The following LDB3 variants were observed in gnomAD, a reference collection of about 807,000 sequenced individuals.
LDB3 encodes the protein LIM domain-binding protein 3.
Under a neutral mutation model 69.0 loss-of-function variants are expected in LDB3, and 49 were observed. The observed-to-expected ratio is 0.71, with a 90% CI of 0.56 to 0.90. LDB3 has a LOEUF of 0.90. Among genes scored for constraint, LDB3 ranks in the 40% least tolerant of loss-of-function variants. The pLI, the probability that LDB3 is intolerant of heterozygous loss-of-function variation, is 0.00. For missense variants in LDB3, 928 were observed against 974.1 expected (o/e 0.95, Z 0.63); for synonymous variants, 387 against 396.2 (o/e 0.98, Z 0.28).
chr10:86,701,168 T>G (rs149946613), intron 7 of LDB3, among the ~76,000 whole-genome samples: 1 of 152,224 alleles, frequency 6.6e-6, no homozygotes, highest in Admixed American at 6.5e-5. Context: ...CAGGCAGCCT[T>G]CATCCCGCTG....
chr10:86,687,193 C>CAGT, intron 5 of LDB3: 1 of 1,614,250 alleles, frequency 6.2e-7, no homozygotes. Flanking sequence ...GTACAACACG[C>CAGT]CCATCAGCAT....
chr10:86,676,578 AAGAG>A (rs1554847834), intron 2 of LDB3, among the ~76,000 whole-genome samples: 1 of 142,610 alleles, frequency 7.0e-6, no homozygotes, highest in African/African-American at 2.7e-5. Context: ...AAAAAAAAAA[AAGAG>A]AAAGAAAAAA....
chr10:86,723,665 C>G lies in LDB3; in HGVS notation c.1979-2472C>G, dbSNP rs112933636. Among the ~76,000 whole-genome samples, 398 of 152,202 alleles carry G rather than the reference C, an allele frequency of 2.6e-3. 4 individuals carry two copies. Among genetic ancestry groups the G allele is most frequent in the African/African-American group, 8.9e-3 (371 of 41,522 alleles). ...TGCAGAGCACAGAGTGAACTGCAAC[C>G]TGGGCGGTAACTTTCTAAAGGAAGC... On this transcript the variant is annotated intron_variant, in intron 12 of 13. Transcript: ENST00000361373.
rs113028704 is a variant in LDB3, at chr10:86,699,056, G to A, written c.896+6485G>A. On this transcript the variant is annotated intron_variant, in intron 7 of 13. Coordinates refer to ENST00000361373, the MANE Select transcript of LDB3 (RefSeq NM_007078.3). The surrounding 1 kb of genome is among the most constrained non-coding windows in gnomAD (Gnocchi z 4.9). The stretch of plus-strand genomic sequence containing the variant: ...CTCCATCCTGGTCCCCAAGACTCTC[G>A]GTCTTCCCCTAACCCAGGCCTGACC... 1.5e-4 allele frequency among the ~76,000 whole-genome samples: 22 copies of A among 151,674 alleles called. No individual in the cohort carries two copies. The highest frequency in any genetic ancestry group is 2.7e-4 in the Non-Finnish European group (18 of 67,900).
chr10:86,703,433 G>A (rs766332797), intron 7 of LDB3, among the ~76,000 whole-genome samples: 2 of 152,238 alleles, frequency 1.3e-5, no homozygotes, highest in South Asian at 2.1e-4. Context: ...AGGCACGGCT[G>A]CAGGCCTGCA....
upstream of LDB3, among the ~76,000 whole-genome samples, chr10:86,668,195 T>C (rs1299133520): frequency 1.3e-5 from 2 of 152,144 alleles, no homozygotes; most frequent in Non-Finnish European, 2.9e-5. Flanking sequence ...GCAAAGCCCC[T>C]ACCCAAGGGA....
At chr10:86,703,376 C>T (rs1439455228) in intron 7 of LDB3, among the ~76,000 whole-genome samples, 1 of 152,216 alleles carries the variant, frequency 6.6e-6, no homozygotes, top group Non-Finnish European at 1.5e-5. Context: ...GCATGGCTTC[C>T]AGAAGCGAGG....
rs777607719 is a variant in LDB3, at chr10:86,681,627, G to T, written c.513G>T (p.Lys171Asn). Residue 171 changes from lysine to asparagine, a missense_variant, in exon 5 of 14, where the codon AAG (lysine) becomes AAT (asparagine). Coordinates refer to ENST00000361373, the MANE Select transcript of LDB3 (RefSeq NM_007078.3). ...CTCCGCGGGCCAGCCTGAGGGCCAA[G>T]ACCAGCCCAGAGGGGGCCCGGGACC... ...PGPPRASLRAKTSPEGARDLL... is the reference protein window; with the variant it reads ...PGPPRASLRANTSPEGARDLL... 2 of 1,613,154 alleles carry T rather than the reference G, an allele frequency of 1.2e-6. No homozygotes were observed. Among genetic ancestry groups the T allele is most frequent in the Admixed American group, 3.3e-5 (2 of 60,012 alleles).
Position 86,691,016 on chromosome 10 carries a change from G to A in LDB3, c.690-880G>A, listed in dbSNP as rs574459291. Among the ~76,000 whole-genome samples the A allele has an allele frequency of 3.9e-5, 6 of 152,304 alleles. No individual in the cohort carries two copies. In the East Asian group the frequency reaches 5.8e-4, roughly 15 times the overall value. ...AGGCCTCTGAGAAGGTGGGCTGGGC[G>A]GCTTGGTCCTCTGGTCCCCCGGCCA... On this transcript the variant is annotated intron_variant, in intron 5 of 13. Transcript: ENST00000361373.
At position 86,681,749 on chromosome 10, in the gene LDB3, A is replaced by T. The variant is rs147300824; in HGVS notation, c.635A>T (p.Gln212Leu). The change falls in exon 5 of 14, where the codon CAG becomes CTG. Residue 212 changes from glutamine to leucine, a missense_variant. Physicochemically the swap from Gln to Leu is moderately radical, Grantham distance 113. Transcript: ENST00000361373. ...GCAGAGACCCTGAGGGAGATGGCTC[A>T]GATGTACCAGATGAGCCTCCGAGGG... The part of the protein sequence containing the change: ...YSAETLREMA[Q>L]MYQMSLRGKA... 6.2e-6 allele frequency: 10 copies of T among 1,603,402 alleles called. No individual in the cohort carries two copies. Among genetic ancestry groups the T allele is most frequent in the Admixed American group, 3.4e-5 (2 of 58,684 alleles).
upstream of LDB3, chr10:86,668,384 A>C: frequency 6.5e-6 from 3 of 458,906 alleles, no homozygotes; most frequent in East Asian, 4.4e-5. Flanking sequence ...CAGGGGCTAT[A>C]TTAGCCGTGT....
In LDB3 at chr10:86,685,542, T is replaced by TG. The variant is rs755775297; in HGVS notation, c.689+3740dup. Reference sequence around the variant, plus strand: ...CTCTGAGTTCTCCCTCCTCACTCCTTGCTCTCCTCACCCATTGCGGTTTGG... The same window carrying TG: ...CTCTGAGTTCTCCCTCCTCACTCCTTGGCTCTCCTCACCCATTGCGGTTTGG... On this transcript the variant is annotated intron_variant, in intron 5 of 13. Transcript: ENST00000361373. 3.7e-5 allele frequency: 31 copies of TG among 841,056 alleles called. 1 individual carries two copies. Among genetic ancestry groups the TG allele is most frequent in the African/African-American group, 2.2e-4 (13 of 60,366 alleles). The allele number at this position is 841,056 out of a possible 1,614,324, so 52.1% of individuals were successfully genotyped here. A position where few individuals can be genotyped will look rare whatever the true frequency, so the allele number is the denominator to read the frequency against.
rs764620834 is a variant in LDB3, at chr10:86,687,278, C to A, written c.690-4618C>A. ...CAAGGCAGTGACTTCAGTGGGTAAG[C>A]GCCTCCCTCCTCCACCGCCACTCAG... On this transcript the variant is annotated intron_variant, in intron 5 of 13. Transcript: ENST00000361373. 1.3e-4 allele frequency: 207 copies of A among 1,613,522 alleles called. No homozygotes were observed. Among genetic ancestry groups the A allele is most frequent in the Non-Finnish European group, 1.6e-4 (191 of 1,179,630 alleles).
intron 7 of LDB3, among the ~76,000 whole-genome samples, chr10:86,694,228 CA>C (rs1265471099): frequency 6.6e-6 from 1 of 152,218 alleles, no homozygotes; most frequent in Non-Finnish European, 1.5e-5. Flanking sequence ...AGGTGGTCCC[CA>C]GGCCTCATCC....
chr10:86,680,418 G>A (rs1845048148), intron 4 of LDB3, among the ~76,000 whole-genome samples: 2 of 152,260 alleles, frequency 1.3e-5, no homozygotes, highest in Admixed American at 6.5e-5. Flanking sequence ...TCGTGGCTGG[G>A]CTGATAGGAA....
At chr10:86,667,443 C>A (rs542791189), upstream of LDB3, among the ~76,000 whole-genome samples, 4 of 152,310 alleles carry the variant, frequency 2.6e-5, no homozygotes, top group South Asian at 6.2e-4. Context: ...AAGGGGTTGG[C>A]CCAAAGACCG....
chr10:86,668,607 G>T (rs1564625872), intron 1 of LDB3, 37 bp downstream of exon 1: 1 of 1,063,792 alleles, frequency 9.4e-7, no homozygotes, highest in South Asian at 1.3e-5. Flanking sequence ...CAGAGGTGTG[G>T]ACCGGGCAGG....
intron 5 of LDB3, among the ~76,000 whole-genome samples, chr10:86,691,184 A>G (rs940256733): frequency 6.6e-6 from 1 of 152,112 alleles, no homozygotes; most frequent in African/African-American, 2.4e-5. Flanking sequence ...TTGTGCACCT[A>G]TCATGTGCCA....
chr10:86,670,564 C>T (rs1844415014), intron 2 of LDB3, among the ~76,000 whole-genome samples: 1 of 152,208 alleles, frequency 6.6e-6, no homozygotes, highest in African/African-American at 2.4e-5. Flanking sequence ...AATGACCTCA[C>T]CCAGGGTCTA....
Sources: allele counts gnomAD v4.1 joint callset (sites outside exome capture counted in the v4.1 genomes callset), GRCh38; gene constraint gnomAD v4.1.1; non-coding constraint Gnocchi (gnomAD v3.1); transcripts MANE v1.5; gene names NCBI Gene and HGNC (gene_info 2026-07-23, HGNC 2026-07-21).